The following FKBP15 variants were observed in gnomAD, a reference collection of about 807,000 sequenced individuals.
The protein encoded by FKBP15 is FKBP prolyl isomerase family member 15, also known as FK506-binding protein 15.
A neutral mutation model predicts 158.1 loss-of-function variants in FKBP15; 106 were observed. The ratio of observed to expected loss-of-function variants is 0.67; its 90% CI spans 0.57 to 0.79. FKBP15 has a LOEUF of 0.79. FKBP15 is among the 30% of genes least tolerant of loss of function. The pLI is 0.00. For synonymous variants in FKBP15, 547 were observed against 548.6 expected (o/e 1.00, Z 0.04); for missense variants, 1,287 against 1,479.1 (o/e 0.87, Z 2.13).
At chr9:113,171,798 C>CTTTT in intron 23 of FKBP15, 92 bp from the exon 24 acceptor site, 11 of 834,300 alleles carry the variant, frequency 1.3e-5, no homozygotes, top group East Asian at 1.0e-4. Context: ...CATCAAGTCT[C>CTTTT]TTTTTTTTTT....
intron 1 of FKBP15, among the ~76,000 whole-genome samples, chr9:113,216,469 A>T (rs1489732335): frequency 6.6e-6 from 1 of 152,218 alleles, no homozygotes. Flanking sequence ...TGAGATTGTA[A>T]ACGCAATGCT....
At chr9:113,171,504 T>G in intron 24 of FKBP15, 77 bp downstream of exon 24, 1 of 1,506,230 alleles carries the variant, frequency 6.6e-7, no homozygotes, top group Non-Finnish European at 9.0e-7. Flanking sequence ...AAAGAGCTAT[T>G]AACACAACAT....
intron 25 of FKBP15, among the ~76,000 whole-genome samples, chr9:113,170,216 C>G (rs142938614): frequency 2.0e-5 from 3 of 152,148 alleles, no homozygotes; most frequent in East Asian, 3.9e-4. Context: ...GTCTTGAACT[C>G]CTGGGCTCAA....
In FKBP15 at chr9:113,165,063, G is replaced by GATAT. The variant is rs10632494; in HGVS notation, c.*1014_*1015insATAT. 6.6e-6 allele frequency: 1 copy of GATAT among 151,976 alleles called. No individual in the cohort carries two copies. Among genetic ancestry groups the GATAT allele is most frequent in the Non-Finnish European group, 1.5e-5 (1 of 67,980 alleles). 9.4% of individuals were successfully genotyped at this position (151,976 alleles called of 1,614,324 possible). On this transcript the variant is annotated 3_prime_UTR_variant, in exon 28 of 28. Coordinates refer to ENST00000238256, the MANE Select transcript of FKBP15 (RefSeq NM_015258.2). ...TAATTATTCTGTTTTTTTAAAGACT[G>GATAT]ATTGCATAATCTTTGGAAGATCCTG...
At chr9:113,197,648 G>A (rs752120301) in intron 8 of FKBP15, among the ~76,000 whole-genome samples, 12 of 152,152 alleles carry the variant, frequency 7.9e-5, no homozygotes, top group African/African-American at 2.7e-4. Flanking sequence ...CAGCCTGGGC[G>A]ACAGAGCAAG....
intron 19 of FKBP15, among the ~76,000 whole-genome samples, chr9:113,180,880 C>T (rs925037701): frequency 6.6e-6 from 1 of 152,152 alleles, no homozygotes. Flanking sequence ...TCATTGAGCC[C>T]TTAACCATAC....
intron 2 of FKBP15, among the ~76,000 whole-genome samples, chr9:113,209,356 T>C (rs906509871): frequency 2.2e-4 from 33 of 152,228 alleles, no homozygotes; most frequent in African/African-American, 8.0e-4. Context: ...GTTGTTTCTT[T>C]TTCTCCCATT....
At position 113,174,514 on chromosome 9, in the gene FKBP15, G is replaced by GA; in HGVS notation, c.2292dup (p.Arg765SerfsTer36). On this transcript the variant is annotated frameshift_variant, in exon 22 of 28. Transcript: ENST00000238256. LOFTEE classifies it high-confidence loss of function. ...TCCAATTCCTCCTGGTATGACTTGCGAATTTCATCTATCTCCTCCTCGGCC... is the reference window on the plus strand; with the variant it reads ...TCCAATTCCTCCTGGTATGACTTGCGAAATTTCATCTATCTCCTCCTCGGCC... 6.2e-7 allele frequency: 1 copy of GA among 1,613,946 alleles called. No individual in the cohort carries two copies. The highest frequency in any genetic ancestry group is 1.1e-5 in the South Asian group (1 of 91,078).
intron 19 of FKBP15, among the ~76,000 whole-genome samples, chr9:113,179,665 GA>G (rs1177990591): frequency 2.6e-3 from 177 of 69,224 alleles, no homozygotes; most frequent in Middle Eastern, 0.011. Flanking sequence ...CATCTCAAAA[GA>G]AAAAAAAAAA....
intron 23 of FKBP15, 33 bp from the exon 24 acceptor site, chr9:113,171,739 A>AGTAACCT: frequency 8.8e-7 from 1 of 1,130,132 alleles, no homozygotes; most frequent in South Asian, 1.9e-5. Context: ...CTGTGGCCTC[A>AGTAACCT]GGAACCAGGT....
Position 113,197,086 on chromosome 9 carries a change from A to T in FKBP15, c.718-8T>A. On this transcript the variant is annotated splice_polypyrimidine_tract_variant and splice_region_variant and intron_variant, in intron 8 of 27. Transcript: ENST00000238256. The stretch of plus-strand genomic sequence containing the variant: ...CATTCCATCCTCCCAGCCCTTTAAA[A>T]ATCAGATAGGAAAAGCTCATCAAAC... The T allele has an allele frequency of 6.2e-7, 1 of 1,610,974 alleles. No homozygotes were observed. The highest frequency in any genetic ancestry group is 1.1e-5 in the South Asian group (1 of 91,022).
chr9:113,212,719 T>C (rs1464913291), intron 1 of FKBP15, among the ~76,000 whole-genome samples: 1 of 152,224 alleles, frequency 6.6e-6, no homozygotes, highest in Non-Finnish European at 1.5e-5. Flanking sequence ...GCTCTTCTTC[T>C]TCATTTGCCC....
chr9:113,170,398 C>T, intron 25 of FKBP15, 124 bp downstream of exon 25: 1 of 727,810 alleles, frequency 1.4e-6, no homozygotes, highest in Non-Finnish European at 2.4e-6. Context: ...TCCCAAAATG[C>T]TGGGATTACA....
intron 1 of FKBP15, among the ~76,000 whole-genome samples, chr9:113,213,215 C>T (rs1564190776): frequency 1.3e-5 from 2 of 152,104 alleles, no homozygotes; most frequent in Admixed American, 1.3e-4. Flanking sequence ...TCGAGACCAG[C>T]CTGACCAACA....
At chr9:113,206,330 G>C in intron 4 of FKBP15, 179 bp downstream of exon 4, 1 of 575,974 alleles carries the variant, frequency 1.7e-6, no homozygotes, top group Non-Finnish European at 3.1e-6. Flanking sequence ...TTGTTTTAAC[G>C]CACAATAGTA....
In FKBP15 at chr9:113,221,209, A is replaced by C; in HGVS notation, c.35T>G (p.Phe12Cys). The C allele has an allele frequency of 6.2e-7, 1 of 1,610,296 alleles. No individual in the cohort carries two copies. Among genetic ancestry groups the C allele is most frequent in the East Asian group, 2.2e-5 (1 of 44,752 alleles). Residue 12 changes from phenylalanine to cysteine, a missense_variant, in exon 1 of 28, where the codon TTC becomes TGC. Physicochemically the swap from Phe to Cys is radical, Grantham distance 205. Coordinates refer to ENST00000238256, the MANE Select transcript of FKBP15 (RefSeq NM_015258.2). Reference sequence around the variant, plus strand: ...CACTCACCCGCCGCTCGGCGAGAGGAAATCGGTGTCGTCCTCGTCCCCCGC... The same window carrying C: ...CACTCACCCGCCGCTCGGCGAGAGGCAATCGGTGTCGTCCTCGTCCCCCGC... ...FGAGDEDDTD[F>C]LSPSGGARLA...
chr9:113,178,556 T>C, intron 20 of FKBP15, 74 bp downstream of exon 20: 3 of 1,452,870 alleles, frequency 2.1e-6, no homozygotes, highest in South Asian at 2.8e-5. Flanking sequence ...GCCAAAAAAA[T>C]TGAGAGGAAG....
intron 9 of FKBP15, among the ~76,000 whole-genome samples, chr9:113,195,587 C>T (rs1264871010): frequency 1.3e-5 from 2 of 152,144 alleles, no homozygotes; most frequent in Non-Finnish European, 2.9e-5. Context: ...GAAAGCGTCA[C>T]TGAGAAGGGA....
rs1421599232 is a variant in FKBP15, at chr9:113,174,859, G to A, written c.2224-276C>T. Among the ~76,000 whole-genome samples the A allele has an allele frequency of 9.8e-4, 5 of 5,098 alleles. 2 individuals are homozygous for A. Among genetic ancestry groups the A allele is most frequent in the Non-Finnish European group, 2.2e-3 (5 of 2,232 alleles). 3.3% of individuals were successfully genotyped at this position (5,098 alleles called of 152,430 possible). On this transcript the variant is annotated intron_variant, in intron 21 of 27. Transcript: ENST00000238256. Reference sequence around the variant, plus strand: ...GGGCGGATCACGAGGTCAGGAGATCGAGACCATCCCGGCTAAAACGGTGAA... The same window carrying A: ...GGGCGGATCACGAGGTCAGGAGATCAAGACCATCCCGGCTAAAACGGTGAA...
Sources: allele counts gnomAD v4.1 joint callset (sites outside exome capture counted in the v4.1 genomes callset), GRCh38; gene constraint gnomAD v4.1.1; transcripts MANE v1.5; gene names NCBI Gene and HGNC (gene_info 2026-07-23, HGNC 2026-07-21).